The following KIAA0825 variants were observed in gnomAD, a reference collection of about 807,000 sequenced individuals.
KIAA0825 encodes uncharacterized protein KIAA0825.
In KIAA0825, 119 loss-of-function variants were observed where a neutral mutation model predicts 147.6. That is an observed-to-expected ratio of 0.81 (90% CI 0.69 to 0.94). The LOEUF is 0.94. Among genes scored for constraint, KIAA0825 ranks in the 40% least tolerant of loss-of-function variants. The pLI, the probability that KIAA0825 is intolerant of heterozygous loss-of-function variation, is 0.00. For synonymous variants in KIAA0825, 470 were observed against 518.1 expected (o/e 0.91, Z 1.26); for missense variants, 1,381 against 1,472.7 (o/e 0.94, Z 1.02).
chr5:94,393,910 G>A (rs1441517138), intron 17 of KIAA0825, among the ~76,000 whole-genome samples: 3 of 150,680 alleles, frequency 2.0e-5, no homozygotes, highest in African/African-American at 4.9e-5. Context: ...GTGCAATGGC[G>A]CAATCTCGGC....
At chr5:94,465,461 A>G (rs1471822547) in intron 10 of KIAA0825, among the ~76,000 whole-genome samples, 1 of 152,240 alleles carries the variant, frequency 6.6e-6, no homozygotes, top group Non-Finnish European at 1.5e-5. Context: ...TTCTGAGCCT[A>G]TTAGCATCAT....
At chr5:94,351,722 G>A (rs183391388) in intron 20 of KIAA0825, among the ~76,000 whole-genome samples, 4 of 152,232 alleles carry the variant, frequency 2.6e-5, no homozygotes. Flanking sequence ...AAACAGCATG[G>A]TACTGGTACA....
At chr5:94,613,536 C>G (rs1041475539) in intron 1 of KIAA0825, among the ~76,000 whole-genome samples, 2 of 152,096 alleles carry the variant, frequency 1.3e-5, no homozygotes, top group Non-Finnish European at 2.9e-5. Flanking sequence ...CTGCATTTGG[C>G]TTTAGTGTTG....
Position 94,610,036 on chromosome 5 carries a change from T to C in KIAA0825, c.-153+8464A>G, listed in dbSNP as rs996355031. ...ATCTGAAAAAATTTAAAGGAATACATTGTTATGTGATTATACACAAAACTT... is the reference window on the plus strand; with the variant it reads ...ATCTGAAAAAATTTAAAGGAATACACTGTTATGTGATTATACACAAAACTT... On this transcript the variant is annotated intron_variant, in intron 1 of 20. Coordinates refer to ENST00000682413, the MANE Select transcript of KIAA0825 (RefSeq NM_001145678.3). Among the ~76,000 whole-genome samples, 4 of 152,202 alleles carry C rather than the reference T, an allele frequency of 2.6e-5. No homozygotes were observed. In the South Asian group the frequency reaches 8.3e-4, roughly 31 times the overall value.
At chr5:94,553,903 C>G (rs1776045266) in intron 2 of KIAA0825, among the ~76,000 whole-genome samples, 1 of 152,056 alleles carries the variant, frequency 6.6e-6, no homozygotes, top group Admixed American at 6.5e-5. Context: ...ATTTCTGAAC[C>G]CAAATCAGCT....
chr5:94,614,929 C>T lies in KIAA0825; in HGVS notation c.-153+3571G>A, dbSNP rs567759141. 1.4e-4 allele frequency among the ~76,000 whole-genome samples: 22 copies of T among 152,208 alleles called. 1 individual carries two copies. In the South Asian group the frequency reaches 4.1e-3, roughly 29 times the overall value. On this transcript the variant is annotated intron_variant, in intron 1 of 20. Transcript: ENST00000682413. ...AAAAGAATCAATATTTATTTATCAG[C>T]AATTGTGTATCAGACAACACGTTTG...
intron 20 of KIAA0825, among the ~76,000 whole-genome samples, chr5:94,203,166 G>A (rs1771853701): frequency 6.6e-6 from 1 of 152,194 alleles, no homozygotes; most frequent in African/African-American, 2.4e-5. Context: ...TAAATGCTTC[G>A]GTTTACAGAA....
At chr5:94,202,398 G>A (rs563550338) in intron 20 of KIAA0825, among the ~76,000 whole-genome samples, 2 of 152,320 alleles carry the variant, frequency 1.3e-5, no homozygotes, top group South Asian at 2.1e-4. Context: ...ACTGTTTTAC[G>A]TGTGCTGGGC....
rs139891628 is a variant in KIAA0825, at chr5:94,268,170, T to C, written c.3711-114046A>G. Among the ~76,000 whole-genome samples the C allele has an allele frequency of 1.2e-3, 188 of 152,234 alleles. 1 individual carries two copies. In the East Asian group the frequency reaches 0.021, roughly 17 times the overall value. On this transcript the variant is annotated intron_variant, in intron 20 of 20. Coordinates refer to ENST00000682413, the MANE Select transcript of KIAA0825 (RefSeq NM_001145678.3). ...CTTCAGCTTGCACTGGTTCTGAATA[T>C]CAAGTGAGATTTTTAAGAACAATTC...
Position 94,242,867 on chromosome 5 carries a change from T to A in KIAA0825, c.3711-88743A>T, listed in dbSNP as rs573435872. ...AACTCCTGACCTCAAGTGATTCACC[T>A]GCCTTGGCCTCTCAAAGTGCTGGGA... On this transcript the variant is annotated intron_variant, in intron 20 of 20. Transcript: ENST00000682413. Among the ~76,000 whole-genome samples, 10 of 152,274 alleles carry A rather than the reference T, an allele frequency of 6.6e-5. 1 individual carries two copies. Among genetic ancestry groups the A allele is most frequent in the African/African-American group, 2.2e-4 (9 of 41,558 alleles).
At chr5:94,291,386 T>G (rs1343341089) in intron 20 of KIAA0825, among the ~76,000 whole-genome samples, 1 of 152,236 alleles carries the variant, frequency 6.6e-6, no homozygotes, top group Non-Finnish European at 1.5e-5. Context: ...CCCCCATTGC[T>G]TGTTTTTTGT....
chr5:94,176,156 T>C (rs1257226432), intron 20 of KIAA0825, among the ~76,000 whole-genome samples: 1 of 152,052 alleles, frequency 6.6e-6, no homozygotes, highest in Non-Finnish European at 1.5e-5. Flanking sequence ...AGAAATAGAT[T>C]AATGCTCTCT....
At chr5:94,610,297 G>A (rs1050641745) in intron 1 of KIAA0825, among the ~76,000 whole-genome samples, 2 of 151,568 alleles carry the variant, frequency 1.3e-5, no homozygotes, top group Non-Finnish European at 2.9e-5. Context: ...GCACATGCCT[G>A]TAATCCCAGC....
At chr5:94,457,625 C>T (rs1759280772) in intron 12 of KIAA0825, among the ~76,000 whole-genome samples, 1 of 152,218 alleles carries the variant, frequency 6.6e-6, no homozygotes, top group African/African-American at 2.4e-5. Flanking sequence ...TGATCTACAC[C>T]TATGTTGCCG....
chr5:94,595,442 C>T (rs1411322115), intron 1 of KIAA0825, among the ~76,000 whole-genome samples: 6 of 152,176 alleles, frequency 3.9e-5, no homozygotes, highest in Non-Finnish European at 8.8e-5. Flanking sequence ...TACAGGGCAC[C>T]AAGTCCCTAG....
At chr5:94,459,932 T>A (rs2150944245) in intron 12 of KIAA0825, among the ~76,000 whole-genome samples, 1 of 152,238 alleles carries the variant, frequency 6.6e-6, no homozygotes, top group Admixed American at 6.5e-5. Flanking sequence ...ATCATCAGCT[T>A]TTCTTAAATT....
At chr5:94,274,715 G>A (rs1373428165) in intron 20 of KIAA0825, among the ~76,000 whole-genome samples, 2 of 152,154 alleles carry the variant, frequency 1.3e-5, no homozygotes, top group Non-Finnish European at 2.9e-5. Flanking sequence ...AGCAGCAACG[G>A]ATGAGTAACA....
At chr5:94,537,391 C>T (rs1196882441) in intron 2 of KIAA0825, among the ~76,000 whole-genome samples, 1 of 152,166 alleles carries the variant, frequency 6.6e-6, no homozygotes, top group African/African-American at 2.4e-5. Context: ...GTGGCTCACG[C>T]CTGTATTCCC....
chr5:94,382,433 A>G lies in KIAA0825; in HGVS notation c.3710+1935T>C, dbSNP rs889214004. Among the ~76,000 whole-genome samples, 3 of 152,324 alleles carry G rather than the reference A, an allele frequency of 2.0e-5. No homozygotes were observed. In the South Asian group the frequency reaches 6.2e-4, roughly 32 times the overall value. The stretch of plus-strand genomic sequence containing the variant: ...TCAATATTAAACAAAACTCATAAAT[A>G]ACCTTCTTAAAATAAATCGGTGAGC... On this transcript the variant is annotated intron_variant, in intron 20 of 20. Transcript: ENST00000682413.
Sources: allele counts gnomAD v4.1 joint callset (sites outside exome capture counted in the v4.1 genomes callset), GRCh38; gene constraint gnomAD v4.1.1; transcripts MANE v1.5; gene names NCBI Gene and HGNC (gene_info 2026-07-23, HGNC 2026-07-21).